BMP7: variants seen among roughly 807,000 people sequenced by gnomAD.
BMP7 encodes bone morphogenetic protein 7.
In BMP7, 12 loss-of-function variants were observed where a neutral mutation model predicts 41.2. The ratio of observed to expected loss-of-function variants is 0.29; its 90% CI spans 0.19 to 0.47. BMP7 has a LOEUF of 0.47. Ranked by LOEUF, BMP7 falls within the 20% of genes least tolerant of loss-of-function variation. BMP7 has a pLI of 0.99. For missense variants in BMP7, 467 were observed against 606.0 expected (o/e 0.77, Z 2.41); for synonymous variants, 248 against 250.0 (o/e 0.99, Z 0.07).
intron 2 of BMP7, among the ~76,000 whole-genome samples, chr20:57,223,272 T>C (rs959390456): frequency 1.3e-5 from 2 of 151,548 alleles, no homozygotes; most frequent in Non-Finnish European, 2.9e-5. Context: ...CTCTTGGGCA[T>C]GTAAGACAGC....
At chr20:57,176,963 G>T (rs533998369) in intron 4 of BMP7, among the ~76,000 whole-genome samples, 1 of 152,246 alleles carries the variant, frequency 6.6e-6, no homozygotes, top group Admixed American at 6.5e-5. Flanking sequence ...GGACATCGCC[G>T]AACTCCCTTC....
intron 2 of BMP7, among the ~76,000 whole-genome samples, chr20:57,204,717 C>T (rs983891687): frequency 1.3e-5 from 2 of 152,240 alleles, no homozygotes; most frequent in East Asian, 1.9e-4. Context: ...CAGCAATGGA[C>T]GCATCACCAG....
At chr20:57,185,965 A>G (rs993014171) in intron 3 of BMP7, among the ~76,000 whole-genome samples, 1 of 151,196 alleles carries the variant, frequency 6.6e-6, no homozygotes, top group African/African-American at 2.4e-5. Context: ...CTAAGTGCTC[A>G]ATAAATGCTA....
In BMP7 at chr20:57,174,855, T is replaced by C; in HGVS notation, c.1035+76A>G. 6.8e-7 allele frequency: 1 copy of C among 1,474,090 alleles called. No homozygotes were observed. The highest frequency in any genetic ancestry group is 2.4e-5 in the East Asian group (1 of 41,526). The allele number at this position is 1,474,090 out of a possible 1,614,324, so 91.3% of individuals were successfully genotyped here. A position where few individuals can be genotyped will look rare whatever the true frequency, so the allele number is the denominator to read the frequency against. On this transcript the variant is annotated intron_variant, in intron 5 of 6. Transcript: ENST00000395863. The surrounding 1 kb of genome is among the most constrained non-coding windows in gnomAD (Gnocchi z 4.3). ...AACTGGCAGAGATGAGAAACAAGAC[T>C]GAGCACAGACCCGCTGCCTCGTGGG...
chr20:57,237,522 C>G (rs376011894), intron 1 of BMP7, among the ~76,000 whole-genome samples: 2 of 152,128 alleles, frequency 1.3e-5, no homozygotes, highest in Non-Finnish European at 2.9e-5. Context: ...TTCATTCATT[C>G]AAAGATTTAC....
chr20:57,247,246 T>C (rs563224048), intron 1 of BMP7, among the ~76,000 whole-genome samples: 6 of 152,268 alleles, frequency 3.9e-5, no homozygotes, highest in East Asian at 1.9e-4. Context: ...CCCCCAACAA[T>C]TGTAGTTGAA....
chr20:57,174,943 G>C lies in BMP7; in HGVS notation c.1023C>G (p.Asp341Glu), dbSNP rs1348164886. 1 of 1,611,874 alleles carries C rather than the reference G, an allele frequency of 6.2e-7. No individual in the cohort carries two copies. The highest frequency in any genetic ancestry group is 1.1e-5 in the South Asian group (1 of 90,872). Residue 341 changes from aspartate (D) to glutamate (E), a missense_variant, in exon 5 of 7, where the codon GAC (aspartate) becomes GAG (glutamate). Asp to Glu is a conservative substitution (Grantham distance 45). Coordinates refer to ENST00000395863, the MANE Select transcript of BMP7 (RefSeq NM_001719.3). The surrounding 1 kb of genome is among the most constrained non-coding windows in gnomAD (Gnocchi z 4.3). ...KKHELYVSFRDLGWQDWIIAP... is the reference protein window; with the variant it reads ...KKHELYVSFRELGWQDWIIAP... ...GCCAGCCCCTTACCTGCCAGCCCAG[G>C]TCTCGGAAGCTGACATACAGCTCGT...
At position 57,228,045 on chromosome 20, in the gene BMP7, T is replaced by C. The variant is rs1360261299; in HGVS notation, c.611+184A>G. Among the ~76,000 whole-genome samples, 4 of 152,124 alleles carry C rather than the reference T, an allele frequency of 2.6e-5. No homozygotes were observed. Among genetic ancestry groups the C allele is most frequent in the African/African-American group, 7.2e-5 (3 of 41,430 alleles). Reference sequence around the variant, plus strand: ...TCCCTGGCCTTCTACTATTCCTGAATTTGTTGTCGGTCATGGTTTTAAGGA... The same window carrying C: ...TCCCTGGCCTTCTACTATTCCTGAACTTGTTGTCGGTCATGGTTTTAAGGA... On this transcript the variant is annotated intron_variant, in intron 2 of 6. Coordinates refer to ENST00000395863, the MANE Select transcript of BMP7 (RefSeq NM_001719.3). This position sits in a 1 kb window ranked among gnomAD's most constrained non-coding sequence, Gnocchi z 4.5.
intron 2 of BMP7, among the ~76,000 whole-genome samples, chr20:57,209,245 ATTTT>A (rs201592076): frequency 0.16 from 15,022 of 93,162 alleles, 1,238 homozygotes; most frequent in South Asian, 0.29. Flanking sequence ...AGATTTATAT[ATTTT>A]TATATATATA....
At chr20:57,175,076 C>A in intron 4 of BMP7, 69 bp from the exon 5 acceptor site, 1 of 1,478,458 alleles carries the variant, frequency 6.8e-7, no homozygotes, top group Non-Finnish European at 9.2e-7. Context: ...ATCAAAGTTC[C>A]CTCCATCTTA....
intron 3 of BMP7, among the ~76,000 whole-genome samples, chr20:57,201,077 C>T (rs988470048): frequency 7.2e-5 from 11 of 152,232 alleles, no homozygotes; most frequent in Admixed American, 6.5e-5. Context: ...CAGCTTCTGT[C>T]ACCTGGTGGC....
intron 1 of BMP7, 42 bp downstream of exon 1, chr20:57,265,656 TCAAAGTG>T: frequency 6.4e-7 from 1 of 1,561,726 alleles, no homozygotes. Flanking sequence ...CCTCCCAGTC[TCAAAGTG>T]CCCCCGAAAG....
chr20:57,238,438 C>G (rs1169807416), intron 1 of BMP7, among the ~76,000 whole-genome samples: 1 of 152,114 alleles, frequency 6.6e-6, no homozygotes, highest in East Asian at 1.9e-4. Context: ...TCTTGGAGAT[C>G]CTGCTTTCAA....
At position 57,191,156 on chromosome 20, in the gene BMP7, T is replaced by C. The variant is rs1349164865; in HGVS notation, c.761-7237A>G. The stretch of plus-strand genomic sequence containing the variant: ...GACCTACAAAACCCAAGAGAGAATG[T>C]AGTGCTTTATCAAGAAGAGATTAAT... On this transcript the variant is annotated intron_variant, in intron 3 of 6. Coordinates refer to ENST00000395863, the MANE Select transcript of BMP7 (RefSeq NM_001719.3). 2.0e-5 allele frequency among the ~76,000 whole-genome samples: 3 copies of C among 152,244 alleles called. No homozygotes were observed. The East Asian group carries it at 5.8e-4, about 29-fold the overall frequency.
At chr20:57,247,801 C>G (rs1390606167) in intron 1 of BMP7, among the ~76,000 whole-genome samples, 1 of 152,122 alleles carries the variant, frequency 6.6e-6, no homozygotes, top group African/African-American at 2.4e-5. Flanking sequence ...GCCGCCTGTC[C>G]CACAAGCAGA....
At chr20:57,265,605 G>A in intron 1 of BMP7, 100 bp downstream of exon 1, 1 of 1,507,418 alleles carries the variant, frequency 6.6e-7, no homozygotes. Context: ...TCAGCCAGGA[G>A]CGGAAAGCTG....
chr20:57,221,449 T>C (rs1006290873), intron 2 of BMP7, among the ~76,000 whole-genome samples: 4 of 152,212 alleles, frequency 2.6e-5, no homozygotes, highest in Admixed American at 2.0e-4. Context: ...CATATGCGAC[T>C]GGGGAAAGAT....
At chr20:57,172,347 G>C (rs1043036702) in intron 6 of BMP7, among the ~76,000 whole-genome samples, 5 of 152,048 alleles carry the variant, frequency 3.3e-5, no homozygotes, top group African/African-American at 7.2e-5. Context: ...AACAAACAAA[G>C]AAACAAAAAC....
chr20:57,188,334 G>A (rs1167591821), intron 3 of BMP7, among the ~76,000 whole-genome samples: 2 of 152,164 alleles, frequency 1.3e-5, no homozygotes. Flanking sequence ...ACACGAAATG[G>A]AAGAAGCCAG....
Sources: allele counts gnomAD v4.1 joint callset (sites outside exome capture counted in the v4.1 genomes callset), GRCh38; gene constraint gnomAD v4.1.1; non-coding constraint Gnocchi (gnomAD v3.1); transcripts MANE v1.5; gene names NCBI Gene and HGNC (gene_info 2026-07-23, HGNC 2026-07-21).